Variants in SEC23B observed in about 807,000 individuals in gnomAD.
The protein encoded by SEC23B is SEC23 homolog B, COPII component, also known as protein transport protein Sec23B.
SEC23B carries 77 observed loss-of-function variants against 104.3 expected under a neutral mutation model. The observed-to-expected ratio is 0.74, with a 90% CI of 0.61 to 0.89. The LOEUF (loss-of-function observed/expected upper bound fraction) is 0.89, where lower values mean the gene tolerates loss of function less well. Among genes scored for constraint, SEC23B ranks in the 40% least tolerant of loss-of-function variants. SEC23B has a pLI of 0.00. For missense variants in SEC23B, 885 were observed against 949.4 expected (o/e 0.93, Z 0.89); for synonymous variants, 338 against 332.5 (o/e 1.02, Z -0.18).
chr20:18,532,506 G>A (rs2060196039), intron 10 of SEC23B, among the ~76,000 whole-genome samples, 158 bp from the exon 11 acceptor site: 1 of 152,222 alleles, frequency 6.6e-6, no homozygotes, highest in Admixed American at 6.5e-5. Context: ...AGTGGCTGAG[G>A]AAAAGTTTGT....
chr20:18,507,631 G>C (rs976087676), upstream of SEC23B: 2 of 152,306 alleles, frequency 1.3e-5, no homozygotes, highest in African/African-American at 4.8e-5. Context: ...ATTGTATCAG[G>C]GCGAACCTCT....
chr20:18,556,801 G>A (rs1236880350), intron 19 of SEC23B, among the ~76,000 whole-genome samples: 1 of 152,140 alleles, frequency 6.6e-6, no homozygotes, highest in Non-Finnish European at 1.5e-5. Context: ...TTCGAGACCA[G>A]CCTAGCCAAC....
chr20:18,549,725 T>G (rs1193913573), intron 16 of SEC23B, among the ~76,000 whole-genome samples: 1 of 152,182 alleles, frequency 6.6e-6, no homozygotes, highest in Non-Finnish European at 1.5e-5. Flanking sequence ...CACTTACTTT[T>G]ATTATTGAAA....
chr20:18,542,540 A>C, intron 13 of SEC23B, 138 bp downstream of exon 13: 3 of 901,250 alleles, frequency 3.3e-6, no homozygotes, highest in Non-Finnish European at 5.4e-6. Context: ...ATTTGATCAG[A>C]GGAGGAGGCA....
At chr20:18,542,963 T>A in intron 13 of SEC23B, 56 bp from the exon 14 acceptor site, 1 of 1,608,330 alleles carries the variant, frequency 6.2e-7, no homozygotes, top group Non-Finnish European at 8.5e-7. Context: ...TGAATGGATG[T>A]CTGGCTTTCT....
chr20:18,518,109 A>G (rs185737283), intron 4 of SEC23B, among the ~76,000 whole-genome samples: 184 of 152,336 alleles, frequency 1.2e-3, no homozygotes, highest in Middle Eastern at 3.4e-3. Context: ...CTGAATACCA[A>G]GAGCCTGAAA....
chr20:18,524,963 T>C lies in SEC23B; in HGVS notation c.632T>C (p.Met211Thr), dbSNP rs760268086. The stretch of plus-strand genomic sequence containing the variant: ...ATGTTGGGCCTGACCAAGCCAGCCA[T>C]GCCCATGCAGCAAGCACGACCTGCA... Reference protein sequence around the residue: ...QDMLGLTKPAMPMQQARPAQP... With the variant: ...QDMLGLTKPATPMQQARPAQP... Residue 211 changes from methionine to threonine, a missense_variant, in exon 6 of 20, where the codon ATG (methionine) becomes ACG (threonine). By Grantham distance (81) the Met-to-Thr change is moderately conservative (BLOSUM62 -1). Coordinates refer to ENST00000650089, the MANE Select transcript of SEC23B (RefSeq NM_006363.6). 6.2e-7 allele frequency: 1 copy of C among 1,614,022 alleles called. No homozygotes were observed. The highest frequency in any genetic ancestry group is 8.5e-7 in the Non-Finnish European group (1 of 1,180,000).
intron 7 of SEC23B, 125 bp from the exon 8 acceptor site, chr20:18,526,248 G>T: frequency 9.1e-7 from 1 of 1,093,362 alleles, no homozygotes; most frequent in Non-Finnish European, 1.4e-6. Context: ...GTATTATTCT[G>T]CATTATCACC....
chr20:18,553,606 G>A (rs751528399), intron 17 of SEC23B, among the ~76,000 whole-genome samples: 5 of 152,320 alleles, frequency 3.3e-5, no homozygotes, highest in African/African-American at 4.8e-5. Context: ...AATGTGTAGC[G>A]TAGTCAGGGA....
rs2060177683 is a variant in SEC23B at position 18,530,753 on chromosome 20, G to A, written c.1183G>A (p.Asp395Asn). The change falls in exon 10 of 20, where the codon GAT becomes AAT. Residue 395 changes from aspartate (D) to asparagine (N), a missense_variant. Transcript: ENST00000650089. ...GACATTCCAAAGAATCTTTACTAAAGATTTTAATGGAGATTTCCGAATGGC... is the reference window on the plus strand; with the variant it reads ...GACATTCCAAAGAATCTTTACTAAAAATTTTAATGGAGATTTCCGAATGGC... ...KQTFQRIFTK[D>N]FNGDFRMAFG... 4.3e-6 allele frequency: 7 copies of A among 1,613,062 alleles called. No individual in the cohort carries two copies. Among genetic ancestry groups the A allele is most frequent in the Non-Finnish European group, 5.9e-6 (7 of 1,179,456 alleles).
At chr20:18,518,429 G>A (rs762166748) in intron 4 of SEC23B, among the ~76,000 whole-genome samples, 3 of 152,172 alleles carry the variant, frequency 2.0e-5, no homozygotes, top group African/African-American at 7.2e-5. Context: ...TAGAATAGCA[G>A]ATGGAACACT....
chr20:18,522,794 A>G (rs1032109667), intron 4 of SEC23B, among the ~76,000 whole-genome samples: 1 of 151,990 alleles, frequency 6.6e-6, no homozygotes, highest in Non-Finnish European at 1.5e-5. Context: ...GTGGTGGCTC[A>G]CACACGTAAT....
At chr20:18,539,631 C>G (rs2060270311) in intron 12 of SEC23B, among the ~76,000 whole-genome samples, 1 of 150,888 alleles carries the variant, frequency 6.6e-6, no homozygotes, top group Non-Finnish European at 1.5e-5. Context: ...GCCACCACAC[C>G]CAGCCAGGAT....
Position 18,560,150 on chromosome 20 carries a change from C to G in SEC23B, c.2215-501C>G, listed in dbSNP as rs577841724. Among the ~76,000 whole-genome samples the G allele has an allele frequency of 5.3e-5, 8 of 151,606 alleles. No individual in the cohort carries two copies. The South Asian group carries it at 1.7e-3, about 32-fold the overall frequency. ...TTTAATTTCTTTACAAAATTGGAAT[C>G]TTACTACAAATTGAGGTTTCTATTC... is the stretch of plus-strand genomic sequence containing the variant. On this transcript the variant is annotated intron_variant, in intron 19 of 19. Transcript: ENST00000650089.
intron 4 of SEC23B, among the ~76,000 whole-genome samples, chr20:18,522,775 C>A (rs1023981665): frequency 6.6e-6 from 1 of 152,088 alleles, no homozygotes; most frequent in Non-Finnish European, 1.5e-5. Context: ...AAAAACAAAT[C>A]GGCCGGGCGT....
At chr20:18,529,249 C>T (rs1485155713) in intron 9 of SEC23B, among the ~76,000 whole-genome samples, 1 of 152,168 alleles carries the variant, frequency 6.6e-6, no homozygotes, top group Non-Finnish European at 1.5e-5. Context: ...AAGAGTGGAA[C>T]TAGAACCAAA....
chr20:18,545,956 T>A lies in SEC23B; in HGVS notation c.1666T>A (p.Cys556Ser). Reference sequence around the variant, plus strand: ...GTTTTTTGGTATTTTCTTTCCATAGTGTCAAAAGTTTGGACAGTATAACAA... The same window carrying A: ...GTTTTTTGGTATTTTCTTTCCATAGAGTCAAAAGTTTGGACAGTATAACAA... Reference protein sequence around the residue: ...RWLDRQLIRLCQKFGQYNKED... With the variant: ...RWLDRQLIRLSQKFGQYNKED... Residue 556 changes from cysteine (C) to serine (S), a missense_variant and splice_region_variant, in exon 15 of 20, where the codon TGT becomes AGT. By Grantham distance (112) the Cys-to-Ser change is moderately radical (BLOSUM62 -1). Transcript: ENST00000650089. The A allele has an allele frequency of 6.5e-7, 1 of 1,549,796 alleles. No individual in the cohort carries two copies. Among genetic ancestry groups the A allele is most frequent in the Non-Finnish European group, 8.9e-7 (1 of 1,121,426 alleles).
At chr20:18,560,605 C>G (rs1051287035) in intron 19 of SEC23B, 46 bp from the exon 20 acceptor site, 2 of 1,459,490 alleles carry the variant, frequency 1.4e-6, no homozygotes, top group East Asian at 4.5e-5. Context: ...GAATTCTAAT[C>G]AGCTTCTAAG....
At chr20:18,538,194 G>A (rs1044942610) in intron 12 of SEC23B, among the ~76,000 whole-genome samples, 2 of 151,318 alleles carry the variant, frequency 1.3e-5, no homozygotes, top group African/African-American at 4.9e-5. Flanking sequence ...GCCTGCCTCA[G>A]CTCCCAAAGT....
Sources: gnomAD v4.1 joint callset for allele counts (sites outside exome capture counted in the v4.1 genomes callset) on GRCh38, gnomAD v4.1.1 for gene constraint, MANE v1.5 for transcripts, NCBI Gene and HGNC (gene_info 2026-07-23, HGNC 2026-07-21) for gene names.